The following CASTOR2 variants were observed in gnomAD, a reference collection of about 807,000 sequenced individuals.
CASTOR2 encodes cytosolic arginine sensor for mTORC1 subunit 2.
In CASTOR2, 8 loss-of-function variants were observed where a neutral mutation model predicts 31.2. The ratio of observed to expected loss-of-function variants is 0.26; its 90% CI spans 0.15 to 0.46. CASTOR2 has a LOEUF of 0.46. Among genes scored for constraint, CASTOR2 ranks in the 20% least tolerant of loss-of-function variants. CASTOR2 has a pLI of 0.99. For missense variants in CASTOR2, 216 were observed against 382.1 expected, an observed-to-expected ratio of 0.57 and a Z score of 3.62; for synonymous variants, 162 against 158.7, an observed-to-expected ratio of 1.02 and a Z score of -0.16.
At chr7:75,010,412 G>A (rs1409034574) in intron 2 of CASTOR2, among the ~76,000 whole-genome samples, 1 of 152,104 alleles carries the variant, frequency 6.6e-6, no homozygotes, top group Non-Finnish European at 1.5e-5. Flanking sequence ...GGGCTGAGTT[G>A]GGGTAGAGTC....
intron 1 of CASTOR2, among the ~76,000 whole-genome samples, chr7:74,997,235 T>C (rs1804374509): frequency 1.3e-5 from 2 of 151,716 alleles, no homozygotes; most frequent in South Asian, 4.2e-4. Context: ...TTTTTTTAGA[T>C]TATTTTTTGT....
At chr7:75,016,178 T>C (rs1456454813) in intron 2 of CASTOR2, among the ~76,000 whole-genome samples, 50 of 151,946 alleles carry the variant, frequency 3.3e-4, no homozygotes, top group African/African-American at 1.1e-3. Flanking sequence ...AGGTGCCTGG[T>C]GTTGTATGAA....
intron 1 of CASTOR2, among the ~76,000 whole-genome samples, chr7:74,989,101 C>T (rs1804143074): frequency 2.0e-5 from 3 of 151,582 alleles, no homozygotes; most frequent in Non-Finnish European, 1.5e-5. Context: ...GCTGGGACTA[C>T]AGGCGCCCGC....
At chr7:75,007,434 C>T (rs1370320097) in intron 1 of CASTOR2, among the ~76,000 whole-genome samples, 32 of 152,160 alleles carry the variant, frequency 2.1e-4, no homozygotes, top group Non-Finnish European at 4.0e-4. Flanking sequence ...GGCAGAGATC[C>T]ATGTCCCAAA....
chr7:75,004,072 C>T (rs1352925914), intron 1 of CASTOR2, among the ~76,000 whole-genome samples: 2 of 152,154 alleles, frequency 1.3e-5, no homozygotes, highest in South Asian at 2.1e-4. Flanking sequence ...GAGCAAGGGC[C>T]GCGTCTGTTT....
At chr7:74,993,496 G>T (rs1342148160) in intron 1 of CASTOR2, among the ~76,000 whole-genome samples, 158 of 143,662 alleles carry the variant, frequency 1.1e-3, no homozygotes, top group Non-Finnish European at 1.9e-3. Flanking sequence ...TGTCACCCAG[G>T]CTGGAGTGCA....
At position 75,024,453 on chromosome 7, in the gene CASTOR2, C is replaced by T. The variant is rs1805076146; in HGVS notation, c.843C>T (p.Ile281=). Residue 281 remains isoleucine (I), a synonymous_variant, in exon 8 of 9, where the codon ATC becomes ATT. Coordinates refer to ENST00000616305, the MANE Select transcript of CASTOR2 (RefSeq NM_001145064.3). ...CTCCTGTTCTAGATGAGTGTGGCAT[C>T]GTGGCCCAGATCTCAGAGCCCTTGG... ...GQPLGFDECG[I]VAQISEPLAA... The T allele has an allele frequency of 1.9e-6, 3 of 1,551,522 alleles. No homozygotes were observed. The highest frequency in any genetic ancestry group is 2.6e-6 in the Non-Finnish European group (3 of 1,146,840).
rs1389690165 is a variant in CASTOR2, at chr7:75,025,560, C to T, written c.*861C>T. On this transcript the variant is annotated 3_prime_UTR_variant, in exon 9 of 9. Coordinates refer to ENST00000616305, the MANE Select transcript of CASTOR2 (RefSeq NM_001145064.3). ...CTGAGGTTTCTTAGGTGGTGTCCCA[C>T]CTCCCCAACAGACAACTAGACCAGC... Among the ~76,000 whole-genome samples the T allele has an allele frequency of 6.6e-6, 1 of 152,186 alleles. No individual in the cohort carries two copies. Among genetic ancestry groups the T allele is most frequent in the South Asian group, 2.1e-4 (1 of 4,832 alleles).
At chr7:74,999,053 T>C (rs1804426356) in intron 1 of CASTOR2, among the ~76,000 whole-genome samples, 1 of 152,048 alleles carries the variant, frequency 6.6e-6, no homozygotes, top group Non-Finnish European at 1.5e-5. Flanking sequence ...TGGGGTGCAG[T>C]GGCGCGATCT....
At chr7:74,994,286 C>T (rs1304062961) in intron 1 of CASTOR2, among the ~76,000 whole-genome samples, 1 of 152,302 alleles carries the variant, frequency 6.6e-6, no homozygotes, top group East Asian at 1.9e-4. Flanking sequence ...GACTGGTGTG[C>T]AATTCTCTTT....
chr7:75,017,952 G>A, intron 3 of CASTOR2, 38 bp from the exon 4 acceptor site: 1 of 1,614,076 alleles, frequency 6.2e-7, no homozygotes, highest in Admixed American at 1.7e-5. Context: ...ATCCCCCAGG[G>A]CCACCAGGCA....
At chr7:74,974,733 G>T (rs1190164708) in intron 1 of CASTOR2, among the ~76,000 whole-genome samples, 4 of 125,082 alleles carry the variant, frequency 3.2e-5, no homozygotes, top group Admixed American at 8.4e-5. Flanking sequence ...GGCTAATTTT[G>T]TGTATTTTAA....
chr7:75,001,688 C>T (rs1236944231), intron 1 of CASTOR2, among the ~76,000 whole-genome samples: 4 of 152,254 alleles, frequency 2.6e-5, no homozygotes, highest in Non-Finnish European at 5.9e-5. Flanking sequence ...TTTCGCTCAG[C>T]AATCCTTGAG....
chr7:75,017,848 A>G, intron 3 of CASTOR2, 57 bp downstream of exon 3: 1 of 1,612,964 alleles, frequency 6.2e-7, no homozygotes, highest in East Asian at 2.2e-5. Context: ...TGACACACTC[A>G]CTCCCATCTC....
At chr7:75,007,758 T>A (rs1804637901) in intron 1 of CASTOR2, 1 of 621,588 alleles carries the variant, frequency 1.6e-6, no homozygotes, top group Non-Finnish European at 2.9e-6. Context: ...GGCTCCGAGG[T>A]CCCCAAAGAT....
At chr7:75,017,513 T>A in intron 2 of CASTOR2, 85 bp from the exon 3 acceptor site, 4 of 1,479,612 alleles carry the variant, frequency 2.7e-6, no homozygotes, top group Non-Finnish European at 3.7e-6. Context: ...AGAGCATCAC[T>A]CTCCACCTCT....
At chr7:75,019,173 C>T (rs1486046565) in intron 5 of CASTOR2, 78 bp downstream of exon 5, 33 of 1,549,056 alleles carry the variant, frequency 2.1e-5, no homozygotes, top group South Asian at 7.1e-5. Context: ...CTTAGTCTGA[C>T]GGGGGAGGCT....
chr7:74,971,951 C>T lies in CASTOR2; in HGVS notation c.113+6853C>T, dbSNP rs1376553182. 2.9e-4 allele frequency among the ~76,000 whole-genome samples: 43 copies of T among 149,498 alleles called. 3 individuals are homozygous for T. In the South Asian group the frequency reaches 9.3e-3, roughly 32 times the overall value. Reference sequence around the variant, plus strand: ...CCTGAACCTACTCCCAGAGTCCCCTCTGTTTTTTTATTAATATTAGTATGG... The same window carrying T: ...CCTGAACCTACTCCCAGAGTCCCCTTTGTTTTTTTATTAATATTAGTATGG... On this transcript the variant is annotated intron_variant, in intron 1 of 8. Coordinates refer to ENST00000616305, the MANE Select transcript of CASTOR2 (RefSeq NM_001145064.3).
Position 75,020,078 on chromosome 7 carries a change from C to A in CASTOR2, c.675C>A (p.His225Gln). ...DPMATGDDCG[H>Q]IRFFSFSLIE... is the part of the protein sequence containing the mutation. ...TGGCCACTGGGGATGACTGCGGCCA[C>A]ATCCGCTTCTTCTCCTTCTCCCTCA... The change falls in exon 6 of 9, where the codon CAC (histidine) becomes CAA (glutamine). Residue 225 changes from histidine to glutamine, a missense_variant. His to Gln is a conservative substitution (Grantham distance 24, BLOSUM62 0). Around this residue, in one of 5 missense-constraint regions of CASTOR2, gnomAD observed 44 missense variants for 57.5 expected, o/e 0.76. Coordinates refer to ENST00000616305, the MANE Select transcript of CASTOR2 (RefSeq NM_001145064.3). The A allele has an allele frequency of 6.4e-7, 1 of 1,551,502 alleles. No individual in the cohort carries two copies. The highest frequency in any genetic ancestry group is 1.4e-5 in the African/African-American group (1 of 73,176).
Sources: allele counts gnomAD v4.1 joint callset (sites outside exome capture counted in the v4.1 genomes callset), GRCh38; gene constraint gnomAD v4.1.1; regional missense constraint gnomAD v4.1.1; transcripts MANE v1.5; gene names NCBI Gene and HGNC (gene_info 2026-07-23, HGNC 2026-07-21).